The following MGAT5 variants were observed in gnomAD, a reference collection of about 807,000 sequenced individuals.
The protein encoded by MGAT5 is alpha-1,6-mannosylglycoprotein 6-beta-N-acetylglucosaminyltransferase, also known as alpha-1,6-mannosylglycoprotein 6-beta-N-acetylglucosaminyltransferase A.
MGAT5 carries 30 observed loss-of-function variants against 94.3 expected under a neutral mutation model. The ratio of observed to expected loss-of-function variants is 0.32; its 90% confidence interval spans 0.24 to 0.43. The LOEUF (loss-of-function observed/expected upper bound fraction) is 0.43, where lower values mean the gene tolerates loss of function less well. Among genes scored for constraint, MGAT5 ranks in the 20% least tolerant of loss-of-function variants. The pLI is 1.00. For missense variants in MGAT5, 691 were observed against 905.5 expected (o/e 0.76, Z 3.04); for synonymous variants, 310 against 322.9 (o/e 0.96, Z 0.43).
chr2:134,225,978 C>T (rs1048503221), intron 1 of MGAT5, among the ~76,000 whole-genome samples: 1 of 152,176 alleles, frequency 6.6e-6, no homozygotes, highest in African/African-American at 2.4e-5. Context: ...CGAATGATAG[C>T]ACCTTTTGTG....
At chr2:134,359,836 G>A (rs1255272530) in intron 9 of MGAT5, among the ~76,000 whole-genome samples, 2 of 152,150 alleles carry the variant, frequency 1.3e-5, no homozygotes, top group African/African-American at 2.4e-5. Flanking sequence ...GGGCGCTCTC[G>A]GCAGATGTTA....
chr2:134,448,501 G>A (rs973205936), intron 15 of MGAT5, 148 bp from the exon 16 acceptor site: 14 of 760,688 alleles, frequency 1.8e-5, no homozygotes, highest in East Asian at 9.8e-5. Flanking sequence ...GATTGCAGAC[G>A]AAGAGGGTGG....
chr2:134,353,070 A>G (rs750460385), intron 9 of MGAT5, among the ~76,000 whole-genome samples: 7 of 152,176 alleles, frequency 4.6e-5, no homozygotes, highest in Non-Finnish European at 8.8e-5. Flanking sequence ...TTTAATGGCT[A>G]TGGGGTTTCA....
chr2:134,328,330 C>T (rs376245882), intron 4 of MGAT5, among the ~76,000 whole-genome samples: 12 of 152,154 alleles, frequency 7.9e-5, no homozygotes, highest in African/African-American at 2.9e-4. Flanking sequence ...TAATATTCCT[C>T]CCTGTCTTGT....
At chr2:134,433,981 ACT>A (rs569204318) in intron 14 of MGAT5, among the ~76,000 whole-genome samples, 48 of 152,124 alleles carry the variant, frequency 3.2e-4, no homozygotes, top group African/African-American at 1.2e-3. Flanking sequence ...CTTATTAGTA[ACT>A]CTGTGAAAGA....
chr2:134,313,875 A>T (rs1558782601), intron 2 of MGAT5, among the ~76,000 whole-genome samples: 1 of 152,170 alleles, frequency 6.6e-6, no homozygotes. Flanking sequence ...GCTTGTGTAT[A>T]GTAAGCTCAG....
intron 2 of MGAT5, among the ~76,000 whole-genome samples, chr2:134,305,717 CTG>C (rs1427520079): frequency 6.6e-6 from 1 of 152,138 alleles, no homozygotes; most frequent in African/African-American, 2.4e-5. Context: ...TATGGGTGCT[CTG>C]TGTTGCAAGG....
rs957132951 is a variant in MGAT5 at position 134,180,871 on chromosome 2, T to A, written c.-143+60580T>A. ...AGGGTGGAATAACCTTGGAAAGATG[T>A]TAATTTGTTTTTCTTTTCAAGGGGC... On this transcript the variant is annotated intron_variant, in intron 1 of 16. Coordinates refer to the MGAT5 transcript ENST00000409645. Among the ~76,000 whole-genome samples, 4 of 152,294 alleles carry A rather than the reference T, an allele frequency of 2.6e-5. No individual in the cohort carries two copies. The East Asian group carries it at 7.7e-4, about 29-fold the overall frequency.
chr2:134,333,028 G>A (rs1427748337), intron 4 of MGAT5, among the ~76,000 whole-genome samples: 7 of 152,232 alleles, frequency 4.6e-5, no homozygotes, highest in South Asian at 2.1e-4. Flanking sequence ...TCAGTGTGGC[G>A]ATTCCTCAGG....
At chr2:134,306,651 G>A (rs2105849088) in intron 2 of MGAT5, among the ~76,000 whole-genome samples, 1 of 152,216 alleles carries the variant, frequency 6.6e-6, no homozygotes. Context: ...TCCTGAGGGT[G>A]AATGAGGCTA....
chr2:134,256,462 A>G (rs1682968584), intron 1 of MGAT5, among the ~76,000 whole-genome samples: 2 of 152,218 alleles, frequency 1.3e-5, no homozygotes, highest in African/African-American at 4.8e-5. Context: ...TTCCATGGGC[A>G]AGAAGAAGCC....
At chr2:134,120,875 G>T (rs893638480) in intron 1 of MGAT5, among the ~76,000 whole-genome samples, 2 of 151,796 alleles carry the variant, frequency 1.3e-5, no homozygotes, top group Admixed American at 1.3e-4. Context: ...GATCCAGGAG[G>T]CCCGGGGGCG....
At chr2:134,208,091 G>A (rs896207942) in intron 1 of MGAT5, among the ~76,000 whole-genome samples, 14 of 151,974 alleles carry the variant, frequency 9.2e-5, no homozygotes, top group African/African-American at 3.4e-4. Context: ...GGATCCCCAA[G>A]GACACATTAA....
At chr2:134,402,878 T>C in intron 10 of MGAT5, 110 bp from the exon 11 acceptor site, 3 of 1,103,704 alleles carry the variant, frequency 2.7e-6, no homozygotes. Flanking sequence ...ATCTCCATAT[T>C]AAGAACTCTC....
intron 2 of MGAT5, among the ~76,000 whole-genome samples, chr2:134,291,670 G>T (rs1021389463): frequency 3.3e-5 from 5 of 152,188 alleles, no homozygotes; most frequent in Non-Finnish European, 5.9e-5. Context: ...GGCGTGCAGT[G>T]AATGAGGGCA....
intron 15 of MGAT5, among the ~76,000 whole-genome samples, chr2:134,445,234 A>C (rs1217933030): frequency 1.3e-5 from 2 of 152,154 alleles, no homozygotes; most frequent in African/African-American, 4.8e-5. Flanking sequence ...CAGTGACCCC[A>C]GCCCCATCAG....
At chr2:134,340,030 C>T (rs1039892845) in intron 6 of MGAT5, among the ~76,000 whole-genome samples, 1 of 152,016 alleles carries the variant, frequency 6.6e-6, no homozygotes, top group Admixed American at 6.6e-5. Context: ...GTGGGATTTG[C>T]AGTGTGGAAG....
chr2:134,381,364 T>TAGATAGATAGATAGATA (rs150819045), intron 10 of MGAT5, among the ~76,000 whole-genome samples: 130 of 95,540 alleles, frequency 1.4e-3, no homozygotes, highest in South Asian at 3.0e-3. Flanking sequence ...GATAGATAGA[T>TAGATAGATAGATAGATA]AGATAAGATA....
intron 10 of MGAT5, among the ~76,000 whole-genome samples, chr2:134,366,362 C>A (rs950902840): frequency 6.6e-6 from 1 of 152,188 alleles, no homozygotes; most frequent in Middle Eastern, 3.2e-3. Context: ...AAATAGTATA[C>A]TGAGCATAAC....
Sources: gnomAD v4.1 joint callset for allele counts (sites outside exome capture counted in the v4.1 genomes callset) on GRCh38, gnomAD v4.1.1 for gene constraint, MANE v1.5 for transcripts, NCBI Gene and HGNC (gene_info 2026-07-23, HGNC 2026-07-21) for gene names.